The following CAMK2D variants were observed in gnomAD, a reference collection of about 807,000 sequenced individuals.
The protein encoded by CAMK2D is calcium/calmodulin dependent protein kinase II delta, also known as calcium/calmodulin-dependent protein kinase type II subunit delta.
In CAMK2D, 37 loss-of-function variants were observed where a neutral mutation model predicts 84.0. That is an observed-to-expected ratio of 0.44 (90% CI 0.34 to 0.58). The LOEUF (loss-of-function observed/expected upper bound fraction) is 0.58. CAMK2D is among the 20% of genes least tolerant of loss of function. The probability of loss-of-function intolerance (pLI) is 0.02; values close to 1 mark genes in which losing one functional copy is unlikely to be tolerated. For missense variants in CAMK2D, 448 were observed against 652.5 expected (o/e 0.69, Z 3.41); for synonymous variants, 202 against 212.5 (o/e 0.95, Z 0.43).
intron 4 of CAMK2D, among the ~76,000 whole-genome samples, chr4:113,553,149 T>C (rs2098641242): frequency 1.3e-5 from 2 of 152,142 alleles, no homozygotes; most frequent in South Asian, 4.1e-4. Flanking sequence ...TTATAAATCC[T>C]CACAATTGCC....
At chr4:113,622,981 G>A (rs1180809813) in intron 3 of CAMK2D, among the ~76,000 whole-genome samples, 1 of 152,130 alleles carries the variant, frequency 6.6e-6, no homozygotes, top group African/African-American at 2.4e-5. Context: ...ATAGGAGAGT[G>A]TTTTTATATA....
intron 4 of CAMK2D, among the ~76,000 whole-genome samples, chr4:113,584,234 A>G (rs1433986383): frequency 2.0e-5 from 3 of 152,178 alleles, no homozygotes; most frequent in Non-Finnish European, 4.4e-5. Flanking sequence ...TGGGGAGTAG[A>G]ATGTGGGAGA....
intron 5 of CAMK2D, among the ~76,000 whole-genome samples, chr4:113,548,089 C>T (rs2098596788): frequency 6.6e-6 from 1 of 152,190 alleles, no homozygotes; most frequent in Admixed American, 6.5e-5. Context: ...TTTTCTCTCC[C>T]ATTTTTCCAG....
intron 4 of CAMK2D, among the ~76,000 whole-genome samples, chr4:113,603,691 A>T (rs2098963730): frequency 6.8e-6 from 1 of 146,758 alleles, no homozygotes; most frequent in Admixed American, 6.8e-5. Context: ...AATAGCAAGA[A>T]ATATATATAT....
chr4:113,581,490 C>T (rs2098808575), intron 4 of CAMK2D, among the ~76,000 whole-genome samples: 1 of 129,988 alleles, frequency 7.7e-6, no homozygotes, highest in Admixed American at 8.4e-5. Flanking sequence ...TCCAGCCTGG[C>T]CAATGAGAGC....
At chr4:113,483,409 C>CTT (rs763520561) in intron 16 of CAMK2D, among the ~76,000 whole-genome samples, 3,479 of 145,248 alleles carry the variant, frequency 0.024, 70 homozygotes, top group Middle Eastern at 0.081. Context: ...CCTTATGCTT[C>CTT]TTTTTTTTTT....
intron 16 of CAMK2D, among the ~76,000 whole-genome samples, chr4:113,471,888 T>C (rs1422615041): frequency 6.6e-6 from 1 of 151,814 alleles, no homozygotes; most frequent in Non-Finnish European, 1.5e-5. Context: ...TTTCCTGCTT[T>C]ATCTCTTGAC....
chr4:113,751,388 T>C (rs1170428846), intron 2 of CAMK2D, among the ~76,000 whole-genome samples: 5 of 152,244 alleles, frequency 3.3e-5, no homozygotes, highest in Admixed American at 2.6e-4. Flanking sequence ...ACAGAAAATT[T>C]TGATAAATTT....
intron 2 of CAMK2D, among the ~76,000 whole-genome samples, chr4:113,662,398 ATTATC>A (rs1317061818): frequency 6.6e-6 from 1 of 152,200 alleles, no homozygotes; most frequent in Non-Finnish European, 1.5e-5. Flanking sequence ...TGTTTTAAGA[ATTATC>A]TTAATATTCT....
chr4:113,720,587 G>C (rs1192211110), intron 2 of CAMK2D, among the ~76,000 whole-genome samples: 2 of 151,806 alleles, frequency 1.3e-5, no homozygotes, highest in Non-Finnish European at 2.9e-5. Flanking sequence ...TCAAAAAAAA[G>C]CTAATATCAA....
chr4:113,720,050 AAC>A (rs1011850743), intron 2 of CAMK2D, among the ~76,000 whole-genome samples: 6 of 152,254 alleles, frequency 3.9e-5, no homozygotes, highest in Non-Finnish European at 8.8e-5. Context: ...TGGTTTGGAC[AAC>A]AGAGTTGCAA....
chr4:113,477,852 A>G (rs1370703175), intron 16 of CAMK2D, among the ~76,000 whole-genome samples: 1 of 152,138 alleles, frequency 6.6e-6, no homozygotes, highest in Non-Finnish European at 1.5e-5. Flanking sequence ...TGAGCCATAT[A>G]TTTCAGAACC....
intron 3 of CAMK2D, among the ~76,000 whole-genome samples, chr4:113,625,244 C>A (rs1394337474): frequency 1.3e-5 from 2 of 151,952 alleles, no homozygotes; most frequent in African/African-American, 2.4e-5. Flanking sequence ...CTACACTGGG[C>A]AAAATATTAT....
At chr4:113,745,330 T>G (rs2099601849) in intron 2 of CAMK2D, among the ~76,000 whole-genome samples, 1 of 152,254 alleles carries the variant, frequency 6.6e-6, no homozygotes, top group South Asian at 2.1e-4. Flanking sequence ...GCACTGCCAC[T>G]TCTGCTTCCT....
At chr4:113,495,346 G>GC (rs1398624040) in intron 16 of CAMK2D, among the ~76,000 whole-genome samples, 5 of 152,132 alleles carry the variant, frequency 3.3e-5, no homozygotes, top group Admixed American at 6.5e-5. Context: ...AGATTTTTCT[G>GC]GAAGTGAGAA....
At position 113,587,956 on chromosome 4, in the gene CAMK2D, C is replaced by A. The variant is rs145797662; in HGVS notation, c.275+21196G>T. ...GTAGGTTTCTTTGTTCAAGCAAGAG[C>A]AGGCAGAAAATATTTCTTTCTGCCC... On this transcript the variant is annotated intron_variant, in intron 4 of 20. Coordinates refer to ENST00000511664, the MANE Select transcript of CAMK2D (RefSeq NM_001321571.2). Among the ~76,000 whole-genome samples the A allele has an allele frequency of 1.8e-3, 274 of 152,154 alleles. 1 individual carries two copies. Among genetic ancestry groups the A allele is most frequent in the Non-Finnish European group, 3.1e-3 (208 of 67,988 alleles).
intron 4 of CAMK2D, among the ~76,000 whole-genome samples, chr4:113,594,729 T>A (rs1053261156): frequency 6.6e-6 from 1 of 151,568 alleles, no homozygotes; most frequent in Non-Finnish European, 1.5e-5. Flanking sequence ...CTTCTAAAAC[T>A]GAAGAGCAAA....
At chr4:113,734,472 T>C (rs1187276843) in intron 2 of CAMK2D, among the ~76,000 whole-genome samples, 8 of 152,176 alleles carry the variant, frequency 5.3e-5, no homozygotes, top group Non-Finnish European at 1.5e-5. Context: ...TTTATTCCTA[T>C]AGTAATTTTT....
intron 6 of CAMK2D, among the ~76,000 whole-genome samples, chr4:113,542,945 T>G (rs982786290): frequency 6.6e-6 from 1 of 152,202 alleles, no homozygotes; most frequent in African/African-American, 2.4e-5. Flanking sequence ...GAATAGGGGC[T>G]AATAGTAAAG....
Sources: allele counts gnomAD v4.1 joint callset (sites outside exome capture counted in the v4.1 genomes callset), GRCh38; gene constraint gnomAD v4.1.1; transcripts MANE v1.5; gene names NCBI Gene and HGNC (gene_info 2026-07-23, HGNC 2026-07-21).